CLCN5: variants seen among roughly 807,000 people sequenced by gnomAD.
CLCN5 encodes H(+)/Cl(-) exchange transporter 5.
In CLCN5, 17 loss-of-function variants were observed where a neutral mutation model predicts 54.0. The ratio of observed to expected loss-of-function variants is 0.31; its 90% CI spans 0.22 to 0.47. The LOEUF (loss-of-function observed/expected upper bound fraction) is 0.47, where lower values mean the gene tolerates loss of function less well. CLCN5 is among the 20% of genes least tolerant of loss of function. The pLI, the probability that CLCN5 is intolerant of heterozygous loss-of-function variation, is 1.00. For synonymous variants in CLCN5, 222 were observed against 233.0 expected, an observed-to-expected ratio of 0.95 and a Z score of 0.43; for missense variants, 448 against 646.7, an observed-to-expected ratio of 0.69 and a Z score of 3.33.
intron 3 of CLCN5, among the ~76,000 whole-genome samples, chrX:50,009,562 A>G (rs1012634142): frequency 8.9e-6 from 1 of 112,010 alleles, no homozygotes; most frequent in African/African-American, 3.2e-5. Flanking sequence ...GGGCATGTCC[A>G]TGTGGCCTTG....
chrX:50,044,072 A>G lies in CLCN5; in HGVS notation c.163+1610A>G, dbSNP rs187344682. ...TGATTATAGCTAGCTAAATAGCCAC[A>G]TAAATACTTATGATAGTTCCTACCC... is the stretch of plus-strand genomic sequence containing the variant. On this transcript the variant is annotated intron_variant, in intron 4 of 14. Transcript: ENST00000376091. 3.6e-4 allele frequency among the ~76,000 whole-genome samples: 40 copies of G among 112,043 alleles called. No individual in the cohort carries two copies. The East Asian group carries it at 0.01, about 29-fold the overall frequency.
chrX:50,071,241 C>T (rs1482741013), intron 5 of CLCN5, among the ~76,000 whole-genome samples: 1 of 111,457 alleles, frequency 9.0e-6, no homozygotes, highest in Non-Finnish European at 1.9e-5. Flanking sequence ...CTTCTTAATC[C>T]ATGGATATTT....
At chrX:50,018,427 C>T (rs1176514052) in intron 3 of CLCN5, among the ~76,000 whole-genome samples, 2 of 112,119 alleles carry the variant, frequency 1.8e-5, no homozygotes, top group African/African-American at 3.2e-5. Flanking sequence ...TTATTTCTTT[C>T]TCCCACTCTG....
At chrX:50,026,928 A>G (rs913043952) in intron 3 of CLCN5, among the ~76,000 whole-genome samples, 1 of 109,869 alleles carries the variant, frequency 9.1e-6, no homozygotes, top group African/African-American at 3.3e-5. Context: ...TCCTGCCTGG[A>G]CCTGTGGTTT....
In CLCN5 at chrX:50,097,680, T is replaced by C. The variant is rs1934305298; in HGVS notation, c.*5461T>C. 1 of 111,376 alleles carries C rather than the reference T, an allele frequency of 9.0e-6. No homozygotes were observed. The highest frequency in any genetic ancestry group is 3.3e-5 in the African/African-American group (1 of 30,612). The allele number at this position is 111,376 out of a possible 1,213,427, so 9.2% of individuals were successfully genotyped here. On this transcript the variant is annotated 3_prime_UTR_variant, in exon 15 of 15. Transcript: ENST00000376091. ...ATTTCTCTTTCTTTTATTATAGGCA[T>C]GTTGTTTTGAATGTGGACTTTGTGG...
intron 3 of CLCN5, among the ~76,000 whole-genome samples, chrX:50,039,951 C>A (rs1932154494): frequency 8.9e-6 from 1 of 111,814 alleles, no homozygotes; most frequent in Non-Finnish European, 1.9e-5. Context: ...CCTCGGCCTC[C>A]CAAAGTGCTG....
intron 11 of CLCN5, among the ~76,000 whole-genome samples, chrX:50,087,684 T>C (rs782396594): frequency 7.2e-5 from 8 of 111,752 alleles, no homozygotes; most frequent in Non-Finnish European, 1.1e-4. Flanking sequence ...TTGTAATCTC[T>C]AAGATGACGC....
At chrX:50,015,444 G>C (rs150946939) in intron 3 of CLCN5, among the ~76,000 whole-genome samples, 208 of 107,587 alleles carry the variant, frequency 1.9e-3, no homozygotes, top group African/African-American at 6.6e-3. Flanking sequence ...AAGAGCAAGG[G>C]ACCCTTCTTA....
chrX:50,014,642 T>C, intron 3 of CLCN5: 1 of 359,125 alleles, frequency 2.8e-6, no homozygotes. Flanking sequence ...TAGTGCTGGC[T>C]CAATGCAATG....
intron 3 of CLCN5, among the ~76,000 whole-genome samples, chrX:49,984,755 T>C (rs1308542282): frequency 1.8e-5 from 2 of 109,933 alleles, no homozygotes; most frequent in African/African-American, 6.6e-5. Context: ...GCTAGGACAA[T>C]AGGCATGCAC....
At chrX:50,008,836 C>T (rs1930340995) in intron 3 of CLCN5, 2 of 323,502 alleles carry the variant, frequency 6.2e-6, no homozygotes, top group South Asian at 2.9e-5. Context: ...AGATTCTCTG[C>T]CTTTCTGTAA....
At chrX:50,039,498 A>G (rs1198453250) in intron 3 of CLCN5, among the ~76,000 whole-genome samples, 1 of 111,305 alleles carries the variant, frequency 9.0e-6, no homozygotes, top group African/African-American at 3.3e-5. Flanking sequence ...AATATTACCC[A>G]ACAATGTTTC....
chrX:49,977,398 C>T (rs1928530496), intron 3 of CLCN5, among the ~76,000 whole-genome samples: 2 of 111,283 alleles, frequency 1.8e-5, no homozygotes, highest in Admixed American at 1.9e-4. Flanking sequence ...CCAGGGAAAT[C>T]GATGGTGTAT....
At chrX:50,075,579 TC>T (rs1463464898) in intron 6 of CLCN5, among the ~76,000 whole-genome samples, 1 of 111,230 alleles carries the variant, frequency 9.0e-6, no homozygotes, top group Non-Finnish European at 1.9e-5. Context: ...ATGTAGAAAT[TC>T]CACAGATGGC....
At chrX:49,923,594 A>C (rs1261396912) in intron 2 of CLCN5, 112 bp downstream of exon 2, 2 of 112,305 alleles carry the variant, frequency 1.8e-5, no homozygotes, top group Non-Finnish European at 3.8e-5. Flanking sequence ...AGGGATGTTA[A>C]ATTTCGCCTA....
chrX:49,995,613 A>C (rs191171330), intron 3 of CLCN5, among the ~76,000 whole-genome samples: 1 of 112,020 alleles, frequency 8.9e-6, no homozygotes, highest in African/African-American at 3.2e-5. Flanking sequence ...AAAAGCATCA[A>C]TGAAGAGATA....
chrX:49,971,516 A>C (rs1276027559), intron 3 of CLCN5, among the ~76,000 whole-genome samples: 1 of 110,408 alleles, frequency 9.1e-6, no homozygotes, highest in Non-Finnish European at 1.9e-5. Context: ...GACGGTCTTT[A>C]ATCAGTTTGA....
intron 3 of CLCN5, among the ~76,000 whole-genome samples, chrX:50,015,499 G>A (rs187496742): frequency 1.9e-3 from 204 of 107,963 alleles, no homozygotes; most frequent in African/African-American, 6.4e-3. Context: ...AATGAGAACA[G>A]CCTATATCTT....
At chrX:49,942,603 G>A (rs782692490) in intron 3 of CLCN5, among the ~76,000 whole-genome samples, 54 of 90,716 alleles carry the variant, frequency 6.0e-4, no homozygotes, top group Non-Finnish European at 9.6e-4. Flanking sequence ...CCCTTCCTGC[G>A]TCCAAGTGTT....
Sources: allele counts gnomAD v4.1 joint callset (sites outside exome capture counted in the v4.1 genomes callset), GRCh38; gene constraint gnomAD v4.1.1; transcripts MANE v1.5; gene names NCBI Gene and HGNC (gene_info 2026-07-23, HGNC 2026-07-21).